POFUT3: variants seen among roughly 807,000 people sequenced by gnomAD.
The protein encoded by POFUT3 is protein O-fucosyltransferase 3.
the POFUT3 span, among the ~76,000 whole-genome samples, chr8:33,313,013 T>C: frequency 1.3e-5 from 2 of 152,294 alleles, no homozygotes; most frequent in African/African-American, 4.8e-5. Flanking sequence ...TATTAATTAA[T>C]ATGTACTGAG....
the POFUT3 span, among the ~76,000 whole-genome samples, chr8:33,318,178 AG>A: frequency 3.2e-4 from 49 of 152,092 alleles, 1 homozygote; most frequent in African/African-American, 1.1e-3. Flanking sequence ...TCCATAGTGC[AG>A]CAAAGTGCTT....
At chr8:33,362,069 AT>A in the POFUT3 span, among the ~76,000 whole-genome samples, 1 of 152,196 alleles carries the variant, frequency 6.6e-6, no homozygotes, top group Non-Finnish European at 1.5e-5. Context: ...CAGCAGATCT[AT>A]CGGCAGAAAC....
At chr8:33,450,046 T>C in the POFUT3 span, among the ~76,000 whole-genome samples, 1 of 150,860 alleles carries the variant, frequency 6.6e-6, no homozygotes, top group South Asian at 2.1e-4. Context: ...CAAGTGATTC[T>C]CTTGCCTCAG....
At chr8:33,428,543 A>T in the POFUT3 span, among the ~76,000 whole-genome samples, 2 of 152,060 alleles carry the variant, frequency 1.3e-5, no homozygotes, top group Non-Finnish European at 2.9e-5. Flanking sequence ...TATTCAAAAG[A>T]AGAAGAACTT....
At chr8:33,412,834 G>A in the POFUT3 span, among the ~76,000 whole-genome samples, 2 of 152,020 alleles carry the variant, frequency 1.3e-5, no homozygotes, top group Non-Finnish European at 1.5e-5. Flanking sequence ...TGCCATTTTG[G>A]CCAGGCTGGT....
At chr8:33,319,462 G>A in the POFUT3 span, among the ~76,000 whole-genome samples, 36 of 20,074 alleles carry the variant, frequency 1.8e-3, 2 homozygotes, top group South Asian at 0.014. Context: ...ATATATAAAT[G>A]TATATATTTT....
At chr8:33,316,536 C>T in the POFUT3 span, among the ~76,000 whole-genome samples, 6 of 150,072 alleles carry the variant, frequency 4.0e-5, no homozygotes, top group Non-Finnish European at 7.4e-5. Context: ...GGCTGGCCAA[C>T]ATGGCAAAAC....
the POFUT3 span, chr8:33,455,872 T>A: frequency 4.4e-6 from 2 of 451,970 alleles, no homozygotes; most frequent in Non-Finnish European, 8.9e-6. Context: ...TGACTTTCAT[T>A]AGATTCTCAA....
the POFUT3 span, among the ~76,000 whole-genome samples, chr8:33,422,571 A>C: frequency 6.7e-6 from 1 of 149,632 alleles, no homozygotes; most frequent in Non-Finnish European, 1.5e-5. Flanking sequence ...AAAAAAAAAA[A>C]ACCACAGTTT....
the POFUT3 span, among the ~76,000 whole-genome samples, chr8:33,327,383 G>C: frequency 6.6e-6 from 1 of 152,124 alleles, no homozygotes; most frequent in Non-Finnish European, 1.5e-5. Flanking sequence ...TCTCCCTGCA[G>C]ACACTGGAAA....
At chr8:33,451,521 T>C in the POFUT3 span, among the ~76,000 whole-genome samples, 1 of 152,050 alleles carries the variant, frequency 6.6e-6, no homozygotes, top group Non-Finnish European at 1.5e-5. Flanking sequence ...TGTGTACATA[T>C]GTATATGCAT....
At chr8:33,362,244 G>A in the POFUT3 span, among the ~76,000 whole-genome samples, 1 of 152,050 alleles carries the variant, frequency 6.6e-6, no homozygotes, top group African/African-American at 2.4e-5. Context: ...CACCAGGCCT[G>A]CCTTACAAGA....
chr8:33,442,498 A>G, the POFUT3 span, among the ~76,000 whole-genome samples: 1 of 139,064 alleles, frequency 7.2e-6, no homozygotes, highest in African/African-American at 2.7e-5. Flanking sequence ...GTTAGCCAGG[A>G]TGGTCTCCAT....
the POFUT3 span, among the ~76,000 whole-genome samples, chr8:33,451,560 A>G: frequency 6.6e-6 from 1 of 151,778 alleles, no homozygotes; most frequent in African/African-American, 2.4e-5. Flanking sequence ...ATGTGTATGT[A>G]TGTGTATATA....
At chr8:33,351,687 C>G in the POFUT3 span, among the ~76,000 whole-genome samples, 13 of 152,186 alleles carry the variant, frequency 8.5e-5, no homozygotes, top group South Asian at 2.1e-3. Flanking sequence ...CTTACCCAGC[C>G]TCCGATATTT....
At chr8:33,419,625 T>C in the POFUT3 span, among the ~76,000 whole-genome samples, 1 of 152,208 alleles carries the variant, frequency 6.6e-6, no homozygotes, top group Admixed American at 6.5e-5. Context: ...CATGACTCCC[T>C]GACTTGATCA....
At chr8:33,318,642 AT>A in the POFUT3 span, among the ~76,000 whole-genome samples, 1 of 90,072 alleles carries the variant, frequency 1.1e-5, no homozygotes, top group Non-Finnish European at 1.9e-5. Flanking sequence ...ATATAAATAT[AT>A]TGTATATATA....
the POFUT3 span, among the ~76,000 whole-genome samples, chr8:33,410,668 A>T: frequency 2.6e-5 from 4 of 152,238 alleles, no homozygotes; most frequent in South Asian, 8.3e-4. Flanking sequence ...GCTGGTTCCT[A>T]TTAGCCAGTA....
chr8:33,379,461 C>G, the POFUT3 span, among the ~76,000 whole-genome samples: 3 of 151,736 alleles, frequency 2.0e-5, no homozygotes, highest in Non-Finnish European at 2.9e-5. Flanking sequence ...AGAGCTAAAG[C>G]CATCAACAGA....
Sources: allele counts gnomAD v4.1 joint callset (sites outside exome capture counted in the v4.1 genomes callset), GRCh38; gene constraint gnomAD v4.1.1; transcripts MANE v1.5; gene names NCBI Gene and HGNC (gene_info 2026-07-23, HGNC 2026-07-21).